C13orf42: variants seen among roughly 807,000 people sequenced by gnomAD.
C13orf42 encodes uncharacterized protein C13orf42.
chr13:51,157,558 C>T (rs751768923), intron 1 of C13orf42, among the ~76,000 whole-genome samples: 3 of 152,336 alleles, frequency 2.0e-5, no homozygotes, highest in African/African-American at 7.2e-5. Flanking sequence ...GTAGACATGG[C>T]TGGATTTGTA....
intron 1 of C13orf42, among the ~76,000 whole-genome samples, chr13:51,164,004 GA>G (rs1953886381): frequency 6.6e-6 from 1 of 152,186 alleles, no homozygotes; most frequent in Non-Finnish European, 1.5e-5. Context: ...GTTGAGGACA[GA>G]AAAGCGTTGA....
intron 1 of C13orf42, among the ~76,000 whole-genome samples, chr13:51,171,673 C>T (rs1262964607): frequency 6.6e-6 from 1 of 152,100 alleles, no homozygotes; most frequent in Admixed American, 6.5e-5. Flanking sequence ...GACTAGCCCT[C>T]CCCCACCTGC....
chr13:51,162,229 C>T (rs977100266), intron 1 of C13orf42: 1 of 196,398 alleles, frequency 5.1e-6, no homozygotes, highest in Non-Finnish European at 1.1e-5. Flanking sequence ...TATCCTGTAC[C>T]ACTAAGTGTT....
intron 1 of C13orf42, among the ~76,000 whole-genome samples, chr13:51,137,883 G>A (rs1262884310): frequency 1.3e-5 from 2 of 152,190 alleles, no homozygotes; most frequent in African/African-American, 4.8e-5. Context: ...ACAGGGTTTG[G>A]TTTTGAAACT....
intron 1 of C13orf42, among the ~76,000 whole-genome samples, chr13:51,108,271 A>C (rs556096426): frequency 7.2e-5 from 11 of 152,284 alleles, no homozygotes; most frequent in Middle Eastern, 3.4e-3. Context: ...GGGGGTTAGG[A>C]CTTCCACATA....
intron 1 of C13orf42, among the ~76,000 whole-genome samples, chr13:51,159,460 G>T (rs1020151329): frequency 1.3e-5 from 2 of 152,180 alleles, no homozygotes; most frequent in African/African-American, 4.8e-5. Context: ...CCCCAGCCAT[G>T]GGGAGAGACA....
intron 1 of C13orf42, among the ~76,000 whole-genome samples, chr13:51,092,513 A>G (rs766253677): frequency 6.6e-6 from 1 of 151,974 alleles, no homozygotes; most frequent in East Asian, 1.9e-4. Flanking sequence ...ATAATTTATA[A>G]TTTTTTTCAA....
chr13:51,161,163 T>C (rs9526722), intron 1 of C13orf42, among the ~76,000 whole-genome samples: 6,640 of 102,078 alleles, frequency 0.065, 280 homozygotes, highest in East Asian at 0.21. Flanking sequence ...CCTATTTAGT[T>C]TTCAAAGAAA....
chr13:51,116,490 G>A (rs1953493518), intron 1 of C13orf42, among the ~76,000 whole-genome samples: 1 of 152,220 alleles, frequency 6.6e-6, no homozygotes, highest in African/African-American at 2.4e-5. Context: ...GTGAAGGCCA[G>A]GTAAGCAGTC....
chr13:51,132,410 TGACA>T (rs1351498908), intron 1 of C13orf42, among the ~76,000 whole-genome samples: 5 of 151,556 alleles, frequency 3.3e-5, no homozygotes, highest in African/African-American at 1.2e-4. Context: ...TCCAGCCTGG[TGACA>T]GACAGACTCC....
At chr13:51,164,122 G>A (rs188945195) in intron 1 of C13orf42, among the ~76,000 whole-genome samples, 175 of 152,290 alleles carry the variant, frequency 1.1e-3, no homozygotes, top group African/African-American at 4.0e-3. Context: ...GGCAGCGTAC[G>A]GCTAGCGCTC....
chr13:51,086,003 C>G (rs149017484), intron 2 of C13orf42, among the ~76,000 whole-genome samples: 3 of 151,794 alleles, frequency 2.0e-5, no homozygotes, highest in Non-Finnish European at 4.4e-5. Flanking sequence ...GATGACAGAG[C>G]GAGACTCCGT....
chr13:51,121,538 C>CT lies in C13orf42; in HGVS notation n.137-8317dup, dbSNP rs374108603. ...AGTACTCTAGCCTGAAAAAAATTTT[C>CT]TTTTTTTTTTTTTTTGAGACAGAGT... On this transcript the variant is annotated intron_variant and non_coding_transcript_variant, in intron 1 of 4. Transcript: ENST00000433280. 7.4e-3 allele frequency among the ~76,000 whole-genome samples: 1,025 copies of CT among 137,782 alleles called. 21 individuals carry two copies. The highest frequency in any genetic ancestry group is 0.018 in the African/African-American group (649 of 36,774). 90.4% of individuals were successfully genotyped at this position (137,782 alleles called of 152,430 possible).
At chr13:51,121,010 T>C (rs1953530696) in intron 1 of C13orf42, among the ~76,000 whole-genome samples, 1 of 152,108 alleles carries the variant, frequency 6.6e-6, no homozygotes, top group African/African-American at 2.4e-5. Context: ...CGAGACTCCG[T>C]CTCAATAAAC....
intron 1 of C13orf42, among the ~76,000 whole-genome samples, chr13:51,109,754 A>C (rs796809089): frequency 1.4e-4 from 22 of 152,252 alleles, no homozygotes; most frequent in African/African-American, 5.3e-4. Flanking sequence ...CTCTGTCTCT[A>C]AATAAATACA....
intron 1 of C13orf42, among the ~76,000 whole-genome samples, chr13:51,136,625 T>G (rs1482767250): frequency 6.6e-6 from 1 of 152,146 alleles, no homozygotes; most frequent in Non-Finnish European, 1.5e-5. Flanking sequence ...CAAATGATTC[T>G]TAGGCATCCT....
At chr13:51,132,666 A>G (rs537015932) in intron 1 of C13orf42, among the ~76,000 whole-genome samples, 3 of 152,214 alleles carry the variant, frequency 2.0e-5, no homozygotes, top group South Asian at 4.1e-4. Flanking sequence ...TGCAACCCTT[A>G]GGATTAAGGG....
upstream of C13orf42, among the ~76,000 whole-genome samples, chr13:51,112,029 C>G (rs1049378922): frequency 8.5e-5 from 13 of 152,348 alleles, no homozygotes; most frequent in Middle Eastern, 3.4e-3. Context: ...TTTCTTTAGC[C>G]CGAGCACATT....
chr13:51,101,323 AT>A (rs1316934279), intron 1 of C13orf42, among the ~76,000 whole-genome samples: 1 of 152,120 alleles, frequency 6.6e-6, no homozygotes. Context: ...ATTCTAAGAT[AT>A]TTTTATTTTC....
Sources: gnomAD v4.1 joint callset for allele counts (sites outside exome capture counted in the v4.1 genomes callset) on GRCh38, gnomAD v4.1.1 for gene constraint, MANE v1.5 for transcripts, NCBI Gene and HGNC (gene_info 2026-07-23, HGNC 2026-07-21) for gene names.